NUBPL: variants seen among roughly 807,000 people sequenced by gnomAD.
The protein encoded by NUBPL is iron-sulfur cluster transfer protein NUBPL.
In NUBPL, 31 loss-of-function variants were observed where a neutral mutation model predicts 45.7. The observed-to-expected ratio is 0.68, with a 90% CI of 0.51 to 0.92. The LOEUF (loss-of-function observed/expected upper bound fraction) is 0.92, where lower values mean the gene tolerates loss of function less well. Ranked by LOEUF, NUBPL falls within the 40% of genes least tolerant of loss-of-function variation. The pLI is 0.00. For missense variants in NUBPL, 401 were observed against 398.7 expected (o/e 1.01, Z -0.05); for synonymous variants, 144 against 140.9 (o/e 1.02, Z -0.15).
intron 4 of NUBPL, among the ~76,000 whole-genome samples, chr14:31,646,225 T>C (rs1454918414): frequency 1.3e-5 from 2 of 151,928 alleles, no homozygotes; most frequent in Non-Finnish European, 2.9e-5. Flanking sequence ...CTTGCTCTAC[T>C]GCCCACGCTA....
At chr14:31,757,649 G>A (rs1330586021) in intron 6 of NUBPL, among the ~76,000 whole-genome samples, 3 of 152,046 alleles carry the variant, frequency 2.0e-5, no homozygotes, top group African/African-American at 7.2e-5. Flanking sequence ...ATAAGACTGG[G>A]CATAAATTGA....
In NUBPL at chr14:31,770,150, A is replaced by G. The variant is rs572691170; in HGVS notation, c.514-17630A>G. On this transcript the variant is annotated intron_variant, in intron 6 of 10. Transcript: ENST00000281081. ...ATTGCCTGGTGGGTTCATCTTGTCCACTGCCCAGACAGAGCTGATGTATCT... is the reference window on the plus strand; with the variant it reads ...ATTGCCTGGTGGGTTCATCTTGTCCGCTGCCCAGACAGAGCTGATGTATCT... Among the ~76,000 whole-genome samples, 11 of 152,256 alleles carry G rather than the reference A, an allele frequency of 7.2e-5. No homozygotes were observed. In the East Asian group the frequency reaches 2.1e-3, roughly 29 times the overall value.
intron 7 of NUBPL, among the ~76,000 whole-genome samples, chr14:31,803,003 A>C (rs917404636): frequency 1.6e-4 from 25 of 152,184 alleles, no homozygotes; most frequent in African/African-American, 6.0e-4. Flanking sequence ...CTTGAGAAAA[A>C]GTTAAACTTG....
intron 6 of NUBPL, among the ~76,000 whole-genome samples, chr14:31,709,514 A>C (rs2037524229): frequency 6.6e-6 from 1 of 152,018 alleles, no homozygotes; most frequent in Admixed American, 6.6e-5. Context: ...TACTTGACTA[A>C]GATACCAAGT....
At chr14:31,739,237 ATTCTATATATATATATTTT>A (rs2038229555) in intron 6 of NUBPL, among the ~76,000 whole-genome samples, 1 of 121,812 alleles carries the variant, frequency 8.2e-6, no homozygotes, top group East Asian at 2.2e-4. Flanking sequence ...TATATATTAT[ATTCTATATATATATATTTT>A]TTTTTTTTAG....
chr14:31,588,036 T>C (rs996770676), intron 3 of NUBPL, among the ~76,000 whole-genome samples: 4 of 152,206 alleles, frequency 2.6e-5, no homozygotes, highest in Non-Finnish European at 4.4e-5. Context: ...ATGCTAACAT[T>C]GAGTACATAC....
intron 8 of NUBPL, among the ~76,000 whole-genome samples, chr14:31,828,307 T>C (rs1473382407): frequency 1.3e-5 from 2 of 152,214 alleles, no homozygotes; most frequent in African/African-American, 2.4e-5. Context: ...TTACTTGTTA[T>C]AGGGGATTTT....
intron 6 of NUBPL, among the ~76,000 whole-genome samples, chr14:31,735,931 T>G (rs751271325): frequency 6.6e-6 from 1 of 152,172 alleles, no homozygotes; most frequent in Non-Finnish European, 1.5e-5. Flanking sequence ...ATGATAAATG[T>G]CTGAAATATG....
chr14:31,581,181 T>C (rs888277454), intron 3 of NUBPL, among the ~76,000 whole-genome samples: 1 of 150,650 alleles, frequency 6.6e-6, no homozygotes. Context: ...TGGATGTGGA[T>C]GGTGAAGGAA....
intron 7 of NUBPL, among the ~76,000 whole-genome samples, chr14:31,807,380 G>T (rs1363894936): frequency 6.6e-6 from 1 of 152,158 alleles, no homozygotes; most frequent in African/African-American, 2.4e-5. Context: ...CAGTGATGAT[G>T]AGCATTTTTT....
At chr14:31,657,317 C>A (rs144184339) in intron 4 of NUBPL, among the ~76,000 whole-genome samples, 1 of 152,088 alleles carries the variant, frequency 6.6e-6, no homozygotes, top group African/African-American at 2.4e-5. Context: ...TATAAGCTTT[C>A]AAATCTCTAG....
intron 6 of NUBPL, among the ~76,000 whole-genome samples, chr14:31,707,101 A>G (rs926756761): frequency 1.1e-4 from 16 of 152,316 alleles, no homozygotes; most frequent in Admixed American, 6.5e-5. Flanking sequence ...GGAACCATCT[A>G]TCATCCTGTC....
At chr14:31,766,101 C>T (rs2038907306) in intron 6 of NUBPL, among the ~76,000 whole-genome samples, 1 of 152,114 alleles carries the variant, frequency 6.6e-6, no homozygotes, top group Non-Finnish European at 1.5e-5. Context: ...TCAAAGCACA[C>T]ACAAATAGAA....
chr14:31,847,077 T>G (rs1295386023), intron 9 of NUBPL, among the ~76,000 whole-genome samples: 1 of 152,238 alleles, frequency 6.6e-6, no homozygotes, highest in African/African-American at 2.4e-5. Flanking sequence ...TTGAATAGGT[T>G]TGTTCTGTCA....
intron 4 of NUBPL, among the ~76,000 whole-genome samples, chr14:31,637,247 C>G (rs1360897698): frequency 6.6e-6 from 1 of 152,220 alleles, no homozygotes. Context: ...TTTCCCTCTA[C>G]ATACTGCTTT....
At chr14:31,764,626 C>T (rs566086236) in intron 6 of NUBPL, among the ~76,000 whole-genome samples, 1 of 152,304 alleles carries the variant, frequency 6.6e-6, no homozygotes, top group East Asian at 1.9e-4. Context: ...TTCACTTGCT[C>T]ATCAGGGCAG....
chr14:31,829,278 C>G (rs1020241082), intron 8 of NUBPL, among the ~76,000 whole-genome samples: 1 of 151,024 alleles, frequency 6.6e-6, no homozygotes, highest in Admixed American at 6.6e-5. Flanking sequence ...TTTTTTTCCA[C>G]CCTACATTTA....
intron 4 of NUBPL, among the ~76,000 whole-genome samples, chr14:31,602,642 A>G (rs1347290218): frequency 6.6e-6 from 1 of 152,160 alleles, no homozygotes; most frequent in Non-Finnish European, 1.5e-5. Context: ...TCAGACCCCC[A>G]TATGTAAAAT....
chr14:31,564,631 A>T lies in NUBPL; in HGVS notation c.257-383A>T, dbSNP rs563459906. Among the ~76,000 whole-genome samples, 26 of 152,258 alleles carry T rather than the reference A, an allele frequency of 1.7e-4. No homozygotes were observed. In the South Asian group the frequency reaches 4.8e-3, roughly 28 times the overall value. ...GGCAATGAGATTGTGTACATTTTTT[A>T]AAATAAAAAGACAATTTTTCTATAA... On this transcript the variant is annotated intron_variant, in intron 2 of 10. Coordinates refer to ENST00000281081, the MANE Select transcript of NUBPL (RefSeq NM_025152.3).
Sources: gnomAD v4.1 joint callset for allele counts (sites outside exome capture counted in the v4.1 genomes callset) on GRCh38, gnomAD v4.1.1 for gene constraint, MANE v1.5 for transcripts, NCBI Gene and HGNC (gene_info 2026-07-23, HGNC 2026-07-21) for gene names.